DCAF12L2: variants seen among roughly 807,000 people sequenced by gnomAD.
DCAF12L2 encodes DDB1 and CUL4 associated factor 12 like 2.
In DCAF12L2, 16 loss-of-function variants were observed where a neutral mutation model predicts 20.2. That is an observed-to-expected ratio of 0.79 (90% CI 0.54 to 1.20). The LOEUF (loss-of-function observed/expected upper bound fraction) is 1.20. Among genes scored for constraint, DCAF12L2 ranks in the 50% most tolerant of loss-of-function variants. The probability of loss-of-function intolerance (pLI) is 0.00; values close to 1 mark genes in which losing one functional copy is unlikely to be tolerated. For synonymous variants in DCAF12L2, 195 were observed against 190.0 expected (o/e 1.03, Z -0.22); for missense variants, 355 against 404.8 (o/e 0.88, Z 1.06).
Position 126,165,487 on chromosome X carries a change from G to A in DCAF12L2, c.438C>T (p.Ala146=), listed in dbSNP as rs776033961. ...MRDKEAGLAQ[A]HQGCGIHAIE... is the part of the protein sequence containing the mutation. ...TGGCATGGATGCCGCAGCCCTGGTG[G>A]GCCTGGGCCAGCCCGGCCTCCTTGT... The change falls in exon 1 of 1, where the codon GCC becomes GCT. Residue 146 remains alanine (A), a synonymous_variant. Coordinates refer to ENST00000360028, the MANE Select transcript of DCAF12L2 (RefSeq NM_001013628.3). The A allele has an allele frequency of 8.2e-6, 10 of 1,212,360 alleles. No individual in the cohort carries two copies. The East Asian group carries it at 3.0e-4, about 36-fold the overall frequency.
At position 126,165,893 on chromosome X, in the gene DCAF12L2, C is replaced by G. The variant is rs1927827759; in HGVS notation, c.32G>C (p.Arg11Pro). Residue 11 changes from arginine to proline, a missense_variant, in exon 1 of 1, where the codon CGG becomes CCG. Transcript: ENST00000360028. MAQQQTGSRK[R>P]KAPAVEAGAG... ...TCCCGCCTCGACCGCGGGCGCTTTC[C>G]GTTTCCTGCTACCTGTTTGCTGCTG... is the stretch of plus-strand genomic sequence containing the variant. 1 of 1,204,583 alleles carries G rather than the reference C, an allele frequency of 8.3e-7. No homozygotes were observed. Among genetic ancestry groups the G allele is most frequent in the Non-Finnish European group, 1.1e-6 (1 of 894,810 alleles).
Position 126,164,304 on chromosome X carries a change from A to G in DCAF12L2, c.*229T>C, listed in dbSNP as rs1462759229. The stretch of plus-strand genomic sequence containing the variant: ...ATACTGCTGTTGGGAAACGTGAATG[A>G]GAGTTTTAAAGCCAAAGTTTTGACT... On this transcript the variant is annotated 3_prime_UTR_variant, in exon 1 of 1. Transcript: ENST00000360028. 6 of 381,744 alleles carry G rather than the reference A, an allele frequency of 1.6e-5. No homozygotes were observed. Among genetic ancestry groups the G allele is most frequent in the Non-Finnish European group, 2.2e-5 (5 of 229,394 alleles). 31.5% of individuals were successfully genotyped at this position (381,744 alleles called of 1,213,427 possible).
chrX:126,163,818 T>A lies in DCAF12L2; in HGVS notation c.*715A>T, dbSNP rs1194248105. 8.9e-6 allele frequency: 1 copy of A among 112,434 alleles called. No individual in the cohort carries two copies. Among genetic ancestry groups the A allele is most frequent in the Non-Finnish European group, 1.9e-5 (1 of 53,346 alleles). 9.3% of individuals were successfully genotyped at this position (112,434 alleles called of 1,213,427 possible). A position where few individuals can be genotyped will look rare whatever the true frequency, so the allele number is the denominator to read the frequency against. On this transcript the variant is annotated 3_prime_UTR_variant, in exon 1 of 1. Coordinates refer to ENST00000360028, the MANE Select transcript of DCAF12L2 (RefSeq NM_001013628.3). ...GGGCCTGAGGATAGTAAAGTTTTAC[T>A]GAATAACCAAAAATGTTGATTAATA... is the stretch of plus-strand genomic sequence containing the variant.
chrX:126,164,414 T>C lies in DCAF12L2; in HGVS notation c.*119A>G. The C allele has an allele frequency of 4.3e-6, 4 of 931,425 alleles. No individual in the cohort carries two copies. The highest frequency in any genetic ancestry group is 5.8e-6 in the Non-Finnish European group (4 of 684,617). The allele number at this position is 931,425 out of a possible 1,213,427, so 76.8% of individuals were successfully genotyped here. On this transcript the variant is annotated 3_prime_UTR_variant, in exon 1 of 1. Transcript: ENST00000360028. ...TACATTAAGCACACGTAAGTTGGAC[T>C]GGTTCCACCTGGAAGACAAAAGCCA... is the stretch of plus-strand genomic sequence containing the variant.
rs761431488 is a variant in DCAF12L2, at chrX:126,165,943, TGCA to T, written c.-22_-20del. 6.3e-5 allele frequency: 65 copies of T among 1,032,163 alleles called. No individual in the cohort carries two copies. Among genetic ancestry groups the T allele is most frequent in the East Asian group, 6.1e-4 (16 of 26,446 alleles). The allele number at this position is 1,032,163 out of a possible 1,213,427, so 85.1% of individuals were successfully genotyped here. ...GGGCCATGGTGGGCGGCGGGCGATC[TGCA>T]GCAGCGGCGGCGGCGGCGGCGGCGG... On this transcript the variant is annotated 5_prime_UTR_variant, in exon 1 of 1. Coordinates refer to ENST00000360028, the MANE Select transcript of DCAF12L2 (RefSeq NM_001013628.3).
chrX:126,164,474 G>C lies in DCAF12L2; in HGVS notation c.*59C>G. 8.8e-7 allele frequency: 1 copy of C among 1,139,586 alleles called. No homozygotes were observed. Among genetic ancestry groups the C allele is most frequent in the Non-Finnish European group, 1.2e-6 (1 of 860,032 alleles). The allele number at this position is 1,139,586 out of a possible 1,213,427, so 93.9% of individuals were successfully genotyped here. On this transcript the variant is annotated 3_prime_UTR_variant, in exon 1 of 1. Transcript: ENST00000360028. ...AAAAGCACAAATGCAGCATGAAGAA[G>C]GAAAGTCAGGCGGAACTGAAAGGTA... is the stretch of plus-strand genomic sequence containing the variant.
rs776346189 is a variant in DCAF12L2 at position 126,164,790 on chromosome X, C to T, written c.1135G>A (p.Ala379Thr). 3.3e-6 allele frequency: 4 copies of T among 1,212,348 alleles called. No individual in the cohort carries two copies. Among genetic ancestry groups the T allele is most frequent in the Admixed American group, 4.3e-5 (2 of 46,138 alleles). Reference sequence around the variant, plus strand: ...GCCCTCTCCTCCAGGAACTTCTGGGCGCGGATGTCATAGAAGAGCAGGGAA... The same window carrying T: ...GCCCTCTCCTCCAGGAACTTCTGGGTGCGGATGTCATAGAAGAGCAGGGAA... ...HGSLLFYDIR[A>T]QKFLEERASS... The change falls in exon 1 of 1, where the codon GCC becomes ACC. Residue 379 changes from alanine to threonine, a missense_variant. Physicochemically the swap from Ala to Thr is moderately conservative, Grantham distance 58. Coordinates refer to ENST00000360028, the MANE Select transcript of DCAF12L2 (RefSeq NM_001013628.3).
At position 126,164,744 on chromosome X, in the gene DCAF12L2, A is replaced by G. The variant is rs1927780378; in HGVS notation, c.1181T>C (p.Met394Thr). The change falls in exon 1 of 1, where the codon ATG (methionine) becomes ACG (threonine). Residue 394 changes from methionine (M) to threonine (T), a missense_variant. Met to Thr is a moderately conservative substitution (Grantham distance 81). Transcript: ENST00000360028. ...GAGCTTCCTCCCTGCGGGCCCCGGCATGGAGTCCAGGCTGGAAGAGGCCCT... is the reference window on the plus strand; with the variant it reads ...GAGCTTCCTCCCTGCGGGCCCCGGCGTGGAGTCCAGGCTGGAAGAGGCCCT... ...EERASSSLDS[M>T]PGPAGRKLKL... The G allele has an allele frequency of 8.2e-7, 1 of 1,212,411 alleles. No individual in the cohort carries two copies. The highest frequency in any genetic ancestry group is 3.0e-5 in the East Asian group (1 of 33,849).
Position 126,166,046 on chromosome X carries a change from C to T in DCAF12L2, c.-122G>A. Reference sequence around the variant, plus strand: ...GGCGGCGGTGGTGGGGATGGCTGCGCTTCCGCGTCAGCCGAGAGCTCAGGA... The same window carrying T: ...GGCGGCGGTGGTGGGGATGGCTGCGTTTCCGCGTCAGCCGAGAGCTCAGGA... On this transcript the variant is annotated 5_prime_UTR_variant, in exon 1 of 1. Transcript: ENST00000360028. The T allele has an allele frequency of 1.4e-6, 1 of 694,641 alleles. No homozygotes were observed. Among genetic ancestry groups the T allele is most frequent in the Non-Finnish European group, 1.7e-6 (1 of 585,435 alleles). The allele number at this position is 694,641 out of a possible 1,213,427, so 57.2% of individuals were successfully genotyped here.
At chrX:126,166,289 T>TG (rs1288098113), upstream of DCAF12L2, among the ~76,000 whole-genome samples, 2 of 103,038 alleles carry the variant, frequency 1.9e-5, no homozygotes, top group African/African-American at 7.2e-5. Context: ...GAAGTCAGTG[T>TG]GGGGGGAGGA....
chrX:126,164,435 A>G lies in DCAF12L2; in HGVS notation c.*98T>C. The G allele has an allele frequency of 9.4e-7, 1 of 1,063,619 alleles. No homozygotes were observed. Among genetic ancestry groups the G allele is most frequent in the Non-Finnish European group, 1.3e-6 (1 of 798,002 alleles). The allele number at this position is 1,063,619 out of a possible 1,213,427, so 87.7% of individuals were successfully genotyped here. Reference sequence around the variant, plus strand: ...GGACTGGTTCCACCTGGAAGACAAAAGCCACACAAAGTTAAAAGCACAAAT... The same window carrying G: ...GGACTGGTTCCACCTGGAAGACAAAGGCCACACAAAGTTAAAAGCACAAAT... On this transcript the variant is annotated 3_prime_UTR_variant, in exon 1 of 1. Coordinates refer to ENST00000360028, the MANE Select transcript of DCAF12L2 (RefSeq NM_001013628.3).
Position 126,164,781 on chromosome X carries a change from A to C in DCAF12L2, c.1144T>G (p.Phe382Val), listed in dbSNP as rs150620519. ...LLFYDIRAQKFLEERASSSLD... is the reference protein window; with the variant it reads ...LLFYDIRAQKVLEERASSSLD... ...CTGGAAGAGGCCCTCTCCTCCAGGA[A>C]CTTCTGGGCGCGGATGTCATAGAAG... Residue 382 changes from phenylalanine (F) to valine (V), a missense_variant, in exon 1 of 1, where the codon TTC becomes GTC. Coordinates refer to ENST00000360028, the MANE Select transcript of DCAF12L2 (RefSeq NM_001013628.3). 1 of 1,212,362 alleles carries C rather than the reference A, an allele frequency of 8.2e-7. No individual in the cohort carries two copies. Among genetic ancestry groups the C allele is most frequent in the Non-Finnish European group, 1.1e-6 (1 of 895,580 alleles).
In DCAF12L2 at chrX:126,165,184, C is replaced by T; in HGVS notation, c.741G>A (p.Pro247=). The T allele has an allele frequency of 8.3e-7, 1 of 1,211,947 alleles. No individual in the cohort carries two copies. Among genetic ancestry groups the T allele is most frequent in the Non-Finnish European group, 1.1e-6 (1 of 895,462 alleles). Residue 247 remains proline (P), a synonymous_variant, in exon 1 of 1, where the codon CCG becomes CCA. Coordinates refer to ENST00000360028, the MANE Select transcript of DCAF12L2 (RefSeq NM_001013628.3). ...VGLPVYAHIR[P]RDVEAIPRAS... is the part of the protein sequence containing the mutation. ...CCCTGGGGATGGCCTCCACATCCCT[C>T]GGACGGATGTGGGCATATACTGGGA...
chrX:126,163,914 A>C lies in DCAF12L2; in HGVS notation c.*619T>G, dbSNP rs1927759626. ...AAAGCATTTTACACATCAACACTAT[A>C]CAAACAACAGACATTGAGTTTCCAA... On this transcript the variant is annotated 3_prime_UTR_variant, in exon 1 of 1. Coordinates refer to ENST00000360028, the MANE Select transcript of DCAF12L2 (RefSeq NM_001013628.3). The C allele has an allele frequency of 8.9e-6, 1 of 112,414 alleles. No homozygotes were observed. Among genetic ancestry groups the C allele is most frequent in the Non-Finnish European group, 1.9e-5 (1 of 53,389 alleles). The allele number at this position is 112,414 out of a possible 1,213,427, so 9.3% of individuals were successfully genotyped here.
In DCAF12L2 at chrX:126,165,920, G is replaced by A. The variant is rs765999318; in HGVS notation, c.5C>T (p.Ala2Val). 2.1e-5 allele frequency: 24 copies of A among 1,158,110 alleles called. No individual in the cohort carries two copies. The highest frequency in any genetic ancestry group is 3.7e-5 in the African/African-American group (2 of 54,635). ...TTTCCTGCTACCTGTTTGCTGCTGGGCCATGGTGGGCGGCGGGCGATCTGC... is the reference window on the plus strand; with the variant it reads ...TTTCCTGCTACCTGTTTGCTGCTGGACCATGGTGGGCGGCGGGCGATCTGC... MAQQQTGSRKRK... is the reference protein window; with the variant it reads MVQQQTGSRKRK... The change falls in exon 1 of 1, where the codon GCC (alanine) becomes GTC (valine). Residue 2 changes from alanine (A) to valine (V), a missense_variant. Ala to Val is a moderately conservative substitution (Grantham distance 64). Coordinates refer to ENST00000360028, the MANE Select transcript of DCAF12L2 (RefSeq NM_001013628.3).
chrX:126,165,988 G>T lies in DCAF12L2; in HGVS notation c.-64C>A, dbSNP rs1927835349. 6 of 771,986 alleles carry T rather than the reference G, an allele frequency of 7.8e-6. No individual in the cohort carries two copies. The highest frequency in any genetic ancestry group is 9.2e-6 in the Non-Finnish European group (6 of 652,549). The allele number at this position is 771,986 out of a possible 1,213,427, so 63.6% of individuals were successfully genotyped here. On this transcript the variant is annotated 5_prime_UTR_variant, in exon 1 of 1. Coordinates refer to ENST00000360028, the MANE Select transcript of DCAF12L2 (RefSeq NM_001013628.3). ...CGGCGGCGGCGGCGGCGGCCCGGCG[G>T]CGGTGGCGGCGCGTGGCACCCGTGT...
Position 126,166,086 on chromosome X carries a change from A to C in DCAF12L2, c.-162T>G. On this transcript the variant is annotated 5_prime_UTR_variant, in exon 1 of 1. Transcript: ENST00000360028. ...AGAGCTCAGGATCTCTAAGACCAAG[A>C]AGCTGGTGCGATCGCGGGCGCCCAG... 1 of 550,019 alleles carries C rather than the reference A, an allele frequency of 1.8e-6. No homozygotes were observed. The highest frequency in any genetic ancestry group is 2.2e-6 in the Non-Finnish European group (1 of 456,737). 45.3% of individuals were successfully genotyped at this position (550,019 alleles called of 1,213,427 possible).
chrX:126,164,782 C>T lies in DCAF12L2; in HGVS notation c.1143G>A (p.Lys381=). The T allele has an allele frequency of 8.2e-7, 1 of 1,212,468 alleles. No individual in the cohort carries two copies. The highest frequency in any genetic ancestry group is 1.8e-5 in the South Asian group (1 of 57,054). Residue 381 remains lysine, a synonymous_variant, in exon 1 of 1, where the codon AAG becomes AAA. Transcript: ENST00000360028. ...TGGAAGAGGCCCTCTCCTCCAGGAA[C>T]TTCTGGGCGCGGATGTCATAGAAGA... ...SLLFYDIRAQ[K]FLEERASSSL... is the part of the protein sequence containing the mutation.
Position 126,165,828 on chromosome X carries a change from C to G in DCAF12L2, c.97G>C (p.Gly33Arg). Reference protein sequence around the residue: ...SSSQGLAAADGEGPLLPKKQK... With the variant: ...SSSQGLAAADREGPLLPKKQK... Reference sequence around the variant, plus strand: ...TTCTTGGGTAGCAGAGGCCCCTCTCCGTCCGCCGCCGCTAAACCCTGCGAC... The same window carrying G: ...TTCTTGGGTAGCAGAGGCCCCTCTCGGTCCGCCGCCGCTAAACCCTGCGAC... The change falls in exon 1 of 1, where the codon GGA (glycine) becomes CGA (arginine). Residue 33 changes from glycine (G) to arginine (R), a missense_variant. Physicochemically the swap from Gly to Arg is moderately radical, Grantham distance 125. Coordinates refer to ENST00000360028, the MANE Select transcript of DCAF12L2 (RefSeq NM_001013628.3). 1.7e-6 allele frequency: 2 copies of G among 1,206,721 alleles called. No homozygotes were observed. Among genetic ancestry groups the G allele is most frequent in the Non-Finnish European group, 2.2e-6 (2 of 894,638 alleles).
Sources: allele counts gnomAD v4.1 joint callset (sites outside exome capture counted in the v4.1 genomes callset), GRCh38; gene constraint gnomAD v4.1.1; transcripts MANE v1.5; gene names NCBI Gene and HGNC (gene_info 2026-07-23, HGNC 2026-07-21).